The following ZNF623 variants were observed in gnomAD, a reference collection of about 807,000 sequenced individuals.
The protein encoded by ZNF623 is zinc finger protein 623.
ZNF623 carries 16 observed loss-of-function variants against 24.0 expected under a neutral mutation model. That is an observed-to-expected ratio of 0.67 (90% CI 0.45 to 1.01). The LOEUF (loss-of-function observed/expected upper bound fraction) is 1.01, where lower values mean the gene tolerates loss of function less well. Ranked by LOEUF, ZNF623 falls within the 50% of genes least tolerant of loss-of-function variation. ZNF623 has a pLI of 0.00. For synonymous variants in ZNF623, 224 were observed against 219.8 expected (o/e 1.02, Z -0.17); for missense variants, 566 against 606.5 (o/e 0.93, Z 0.70).
At position 143,651,640 on chromosome 8, in the gene ZNF623, CA is replaced by C; in HGVS notation, c.*158del. 1 of 781,430 alleles carries C rather than the reference CA, an allele frequency of 1.3e-6. No homozygotes were observed. Among genetic ancestry groups the C allele is most frequent in the Non-Finnish European group, 2.0e-6 (1 of 492,358 alleles). The allele number at this position is 781,430 out of a possible 1,614,324, so 48.4% of individuals were successfully genotyped here. ...TGCCACTGTGCAGCCCTACTCGGCT[CA>C]GCCCTTCTCCTCAGCTGTGAGCACT... is the stretch of plus-strand genomic sequence containing the variant. On this transcript the variant is annotated 3_prime_UTR_variant, in exon 2 of 2. Transcript: ENST00000526926.
At chr8:143,637,291 C>T (rs1485664885) in intron 1 of ZNF623, among the ~76,000 whole-genome samples, 2 of 152,202 alleles carry the variant, frequency 1.3e-5, no homozygotes, top group Admixed American at 6.5e-5. Context: ...ACGTCTCACT[C>T]GGTTGCCCTC....
chr8:143,653,177 C>T lies in ZNF623; in HGVS notation c.*1694C>T, dbSNP rs921669. On this transcript the variant is annotated 3_prime_UTR_variant, in exon 2 of 2. Coordinates refer to ENST00000526926, the MANE Select transcript of ZNF623 (RefSeq NM_001261843.2). ...TTCGAAAGCAGGCGAGGTAAATGGA[C>T]AGTGGACAGCCGCCTCGCCAAACTG... The T allele has an allele frequency of 0.1, 16,981 of 167,114 alleles. 1,055 individuals are homozygous for T. The highest frequency in any genetic ancestry group is 0.16 in the Middle Eastern group (46 of 296). 10.4% of individuals were successfully genotyped at this position (167,114 alleles called of 1,614,324 possible).
chr8:143,647,041 C>T (rs1031638623), intron 1 of ZNF623, among the ~76,000 whole-genome samples: 13 of 152,112 alleles, frequency 8.5e-5, no homozygotes, highest in South Asian at 4.1e-4. Context: ...ATCTCGCAGT[C>T]GATGGCTGCT....
Position 143,649,931 on chromosome 8 carries a change from C to A in ZNF623, c.-62C>A, listed in dbSNP as rs1449073524. ...GTAGGAACTGGTGAGAAGAAGGTGA[C>A]TGAAGCCTGGATTTCTGAGGATGAA... On this transcript the variant is annotated 5_prime_UTR_variant, in exon 2 of 2. The change creates a new upstream start codon in the 5' untranslated region. Transcript: ENST00000526926. The A allele has an allele frequency of 7.4e-6, 12 of 1,613,368 alleles. No homozygotes were observed. The highest frequency in any genetic ancestry group is 1.0e-5 in the Non-Finnish European group (12 of 1,179,436).
chr8:143,638,177 C>A (rs1198113600), intron 1 of ZNF623, among the ~76,000 whole-genome samples: 1 of 151,934 alleles, frequency 6.6e-6, no homozygotes, highest in Non-Finnish European at 1.5e-5. Context: ...CCCATCTCTA[C>A]TAAAAGTACA....
Position 143,649,861 on chromosome 8 carries a change from G to A in ZNF623, c.-95-37G>A, listed in dbSNP as rs374363341. The A allele has an allele frequency of 8.2e-5, 131 of 1,589,386 alleles. No homozygotes were observed. The South Asian group carries it at 1.3e-3, about 16-fold the overall frequency. On this transcript the variant is annotated intron_variant, in intron 1 of 1. Transcript: ENST00000526926. The stretch of plus-strand genomic sequence containing the variant: ...GATTCAGGAGATCCCCATCTGTTAA[G>A]TAAGGGGAAAGATGATTTTGTTGTC...
At chr8:143,645,141 AGAG>A (rs145090223) in intron 1 of ZNF623, among the ~76,000 whole-genome samples, 33,717 of 144,770 alleles carry the variant, frequency 0.23, 3,985 homozygotes, top group East Asian at 0.34. Context: ...AAAAAAAAAA[AGAG>A]AGAAAATACA....
chr8:143,644,279 A>G (rs1815121130), intron 1 of ZNF623, among the ~76,000 whole-genome samples: 1 of 152,026 alleles, frequency 6.6e-6, no homozygotes, highest in South Asian at 2.1e-4. Context: ...TAGCCTCCCA[A>G]AGTGTTGGGA....
chr8:143,653,133 G>A lies in ZNF623; in HGVS notation c.*1650G>A, dbSNP rs2131463658. 1 of 167,236 alleles carries A rather than the reference G, an allele frequency of 6.0e-6. No individual in the cohort carries two copies. Among genetic ancestry groups the A allele is most frequent in the African/African-American group, 2.4e-5 (1 of 41,570 alleles). 10.4% of individuals were successfully genotyped at this position (167,236 alleles called of 1,614,324 possible). ...GCAGAAACATGGAGCCATGACAGATGGCTTTTTGGCTAGGACTGTTCGAAA... is the reference window on the plus strand; with the variant it reads ...GCAGAAACATGGAGCCATGACAGATAGCTTTTTGGCTAGGACTGTTCGAAA... On this transcript the variant is annotated 3_prime_UTR_variant, in exon 2 of 2. Transcript: ENST00000526926.
At chr8:143,646,726 A>G (rs887304732) in intron 1 of ZNF623, among the ~76,000 whole-genome samples, 2 of 152,228 alleles carry the variant, frequency 1.3e-5, no homozygotes, top group Non-Finnish European at 2.9e-5. Flanking sequence ...ATGCAGTGGC[A>G]CAAGCACGGC....
Position 143,651,371 on chromosome 8 carries a change from C to G in ZNF623, c.1379C>G (p.Thr460Arg). The G allele has an allele frequency of 6.2e-7, 1 of 1,614,166 alleles. No homozygotes were observed. The highest frequency in any genetic ancestry group is 8.5e-7 in the Non-Finnish European group (1 of 1,180,014). ...TATGGGAGAGATTTTAACTCAACTACAAACGTTAAAAATAATCAAAGGGTT... is the reference window on the plus strand; with the variant it reads ...TATGGGAGAGATTTTAACTCAACTAGAAACGTTAAAAATAATCAAAGGGTT... ...SQYGRDFNSTTNVKNNQRVHQ... is the reference protein window; with the variant it reads ...SQYGRDFNSTRNVKNNQRVHQ... The change falls in exon 2 of 2, where the codon ACA (threonine) becomes AGA (arginine). Residue 460 changes from threonine to arginine, a missense_variant. Physicochemically the swap from Thr to Arg is moderately conservative, Grantham distance 71 (BLOSUM62 -1). Around this residue, in one of 3 missense-constraint regions of ZNF623, gnomAD observed 136 missense variants for 131.9 expected, o/e 1.03. Coordinates refer to ENST00000526926, the MANE Select transcript of ZNF623 (RefSeq NM_001261843.2).
chr8:143,646,566 T>TGTGTGTGC (rs1233195639), intron 1 of ZNF623, among the ~76,000 whole-genome samples: 2 of 151,768 alleles, frequency 1.3e-5, no homozygotes, highest in East Asian at 1.9e-4. Context: ...TGTGTGTGTG[T>TGTGTGTGC]GTGCATGCAT....
intron 1 of ZNF623, among the ~76,000 whole-genome samples, chr8:143,643,699 GCT>G (rs1815110345): frequency 2.0e-5 from 3 of 152,330 alleles, no homozygotes; most frequent in Non-Finnish European, 4.4e-5. Context: ...CCAGGGATTG[GCT>G]CTCTGTTTTC....
In ZNF623 at chr8:143,651,094, T is replaced by C. The variant is rs1815300093; in HGVS notation, c.1102T>C (p.Cys368Arg). ...AGAGAGAGTGTATGAATGTAAGGAA[T>C]GTGGGAAAGCGTTTCTCCAGAAAGC... ...TGERVYECKECGKAFLQKAHL... is the reference protein window; with the variant it reads ...TGERVYECKERGKAFLQKAHL... Residue 368 changes from cysteine to arginine, a missense_variant, in exon 2 of 2, where the codon TGT becomes CGT. Physicochemically the swap from Cys to Arg is radical, Grantham distance 180. Transcript: ENST00000526926. The C allele has an allele frequency of 6.2e-7, 1 of 1,614,156 alleles. No individual in the cohort carries two copies. Among genetic ancestry groups the C allele is most frequent in the Non-Finnish European group, 8.5e-7 (1 of 1,180,028 alleles).
At chr8:143,646,477 C>T (rs1277467892) in intron 1 of ZNF623, among the ~76,000 whole-genome samples, 2 of 152,084 alleles carry the variant, frequency 1.3e-5, no homozygotes, top group Non-Finnish European at 2.9e-5. Flanking sequence ...AAAGTTCCTG[C>T]CCACACAGCA....
chr8:143,644,579 G>A (rs1240126876), intron 1 of ZNF623, among the ~76,000 whole-genome samples: 1 of 152,120 alleles, frequency 6.6e-6, no homozygotes, highest in Non-Finnish European at 1.5e-5. Context: ...TGCATAAGCA[G>A]AATATATATG....
At chr8:143,636,808 C>T (rs973590708) in intron 1 of ZNF623, among the ~76,000 whole-genome samples, 3 of 152,212 alleles carry the variant, frequency 2.0e-5, no homozygotes, top group Admixed American at 6.5e-5. Flanking sequence ...TTTCCCTTCG[C>T]GTCTTTAAGA....
chr8:143,645,156 A>G (rs1422350294), intron 1 of ZNF623, among the ~76,000 whole-genome samples: 2 of 147,280 alleles, frequency 1.4e-5, no homozygotes, highest in Non-Finnish European at 3.0e-5. Context: ...GAAAATACAA[A>G]TGGTCGGCCG....
At chr8:143,641,366 CAAA>C (rs1410998784) in intron 1 of ZNF623, among the ~76,000 whole-genome samples, 2 of 151,478 alleles carry the variant, frequency 1.3e-5, no homozygotes, top group South Asian at 2.1e-4. Flanking sequence ...GTTGTGTTGG[CAAA>C]AGAAGAACAT....
Sources: allele counts gnomAD v4.1 joint callset (sites outside exome capture counted in the v4.1 genomes callset), GRCh38; gene constraint gnomAD v4.1.1; regional missense constraint gnomAD v4.1.1; transcripts MANE v1.5; gene names NCBI Gene and HGNC (gene_info 2026-07-23, HGNC 2026-07-21).